Variants in STAT5B observed in about 807,000 individuals in gnomAD.
STAT5B encodes transcription factor STAT5B.
In STAT5B, 21 loss-of-function variants were observed where a neutral mutation model predicts 107.8. That is an observed-to-expected ratio of 0.19 (90% CI 0.14 to 0.28). STAT5B has a LOEUF of 0.28. STAT5B is among the 10% of genes least tolerant of loss of function. STAT5B has a pLI of 1.00. For missense variants in STAT5B, 565 were observed against 1,008.2 expected (o/e 0.56, Z 5.95); for synonymous variants, 325 against 401.7 (o/e 0.81, Z 2.28).
chr17:42,219,683 G>A lies in STAT5B; in HGVS notation c.681+29C>T, dbSNP rs749453488. ...CAGAGACTGACTTCATGGCACCCAC[G>A]CCCAGGAGAGGCCCAGGACCCCACT... is the stretch of plus-strand genomic sequence containing the variant. On this transcript the variant is annotated intron_variant, in intron 6 of 18. Transcript: ENST00000293328. 31 of 1,587,788 alleles carry A rather than the reference G, an allele frequency of 2.0e-5. No individual in the cohort carries two copies. The African/African-American group carries it at 2.2e-4, about 11-fold the overall frequency.
At chr17:42,215,103 G>A (rs2080160436) in intron 12 of STAT5B, among the ~76,000 whole-genome samples, 1 of 152,072 alleles carries the variant, frequency 6.6e-6, no homozygotes, top group Non-Finnish European at 1.5e-5. Flanking sequence ...ATAGCGTTTG[G>A]GTGCATAAAT....
intron 1 of STAT5B, among the ~76,000 whole-genome samples, chr17:42,262,223 C>T (rs2080604680): frequency 6.6e-6 from 1 of 151,904 alleles, no homozygotes; most frequent in Non-Finnish European, 1.5e-5. Flanking sequence ...TACAGTGGAG[C>T]GATCACAGCT....
intron 1 of STAT5B, among the ~76,000 whole-genome samples, chr17:42,233,224 C>T (rs1183248668): frequency 6.6e-6 from 1 of 152,002 alleles, no homozygotes; most frequent in Non-Finnish European, 1.5e-5. Context: ...TGAAAAAGCC[C>T]AGTAAAAGAA....
chr17:42,256,861 CAAAAAAAA>C (rs781345676), intron 1 of STAT5B, among the ~76,000 whole-genome samples: 9 of 44,810 alleles, frequency 2.0e-4, no homozygotes, highest in East Asian at 6.4e-4. Context: ...GACTCTGTCT[CAAAAAAAA>C]AAAAAAAAAA....
chr17:42,227,487 C>T, intron 3 of STAT5B, 42 bp downstream of exon 3: 1 of 1,612,092 alleles, frequency 6.2e-7, no homozygotes. Flanking sequence ...AGAAGACCCC[C>T]AAGGGAAGGT....
chr17:42,258,490 C>T (rs1017524528), intron 1 of STAT5B, among the ~76,000 whole-genome samples: 21 of 152,072 alleles, frequency 1.4e-4, no homozygotes, highest in Admixed American at 1.1e-3. Flanking sequence ...ACCAGCCTGA[C>T]GAACATGGTG....
intron 15 of STAT5B, among the ~76,000 whole-genome samples, 169 bp downstream of exon 15, chr17:42,210,002 T>C (rs1448888130): frequency 1.3e-5 from 2 of 152,238 alleles, no homozygotes; most frequent in South Asian, 2.1e-4. Flanking sequence ...TTTCCCATAA[T>C]AGTATTTTTC....
chr17:42,234,267 A>G (rs1379940709), intron 1 of STAT5B: 2 of 152,188 alleles, frequency 1.3e-5, no homozygotes, highest in Non-Finnish European at 2.9e-5. Flanking sequence ...GGGGAGTGCC[A>G]GTTATCTATT....
At position 42,217,194 on chromosome 17, in the gene STAT5B, C is replaced by G; in HGVS notation, c.1346G>C (p.Ser449Thr). 6.2e-7 allele frequency: 1 copy of G among 1,614,076 alleles called. No individual in the cohort carries two copies. Among genetic ancestry groups the G allele is most frequent in the Non-Finnish European group, 8.5e-7 (1 of 1,179,976 alleles). Residue 449 changes from serine to threonine, a missense_variant, in exon 11 of 19, where the codon AGT becomes ACT. Around this residue, in one of 11 missense-constraint regions of STAT5B, gnomAD observed 127 missense variants for 215.8 expected, o/e 0.59. Coordinates refer to ENST00000293328, the MANE Select transcript of STAT5B (RefSeq NM_012448.4). ...KFTILFESQF[S>T]VGGNELVFQV... is the part of the protein sequence containing the mutation. Reference sequence around the variant, plus strand: ...AAAAACCAGCTCATTTCCACCAACACTGAACTGGGATTCAAACAGGATTGT... The same window carrying G: ...AAAAACCAGCTCATTTCCACCAACAGTGAACTGGGATTCAAACAGGATTGT...
intron 16 of STAT5B, among the ~76,000 whole-genome samples, chr17:42,203,232 C>T (rs1336020463): frequency 6.6e-6 from 1 of 152,126 alleles, no homozygotes; most frequent in Non-Finnish European, 1.5e-5. Flanking sequence ...TAAGCCACCG[C>T]ACTTGGCCAA....
chr17:42,239,108 C>T (rs994636343), intron 1 of STAT5B, among the ~76,000 whole-genome samples: 3 of 151,570 alleles, frequency 2.0e-5, no homozygotes, highest in East Asian at 2.0e-4. Flanking sequence ...ATTAGCTGGG[C>T]GTGGTGCCAT....
At chr17:42,263,761 A>C (rs1377052563) in intron 1 of STAT5B, among the ~76,000 whole-genome samples, 2 of 151,920 alleles carry the variant, frequency 1.3e-5, no homozygotes, top group Non-Finnish European at 2.9e-5. Flanking sequence ...TCCTGGACTC[A>C]AGTGATCCTC....
intron 1 of STAT5B, among the ~76,000 whole-genome samples, chr17:42,243,233 G>A (rs1474649906): frequency 1.3e-5 from 2 of 152,204 alleles, no homozygotes; most frequent in East Asian, 3.9e-4. Context: ...GCACACGCCT[G>A]TAGTTGCAGC....
intron 1 of STAT5B, among the ~76,000 whole-genome samples, chr17:42,254,220 A>G (rs909883697): frequency 7.9e-5 from 12 of 152,132 alleles, no homozygotes; most frequent in Non-Finnish European, 1.6e-4. Context: ...TACAAAATAA[A>G]AATTAAAAAA....
chr17:42,210,056 T>C, intron 15 of STAT5B, 115 bp downstream of exon 15: 1 of 1,479,160 alleles, frequency 6.8e-7, no homozygotes, highest in Non-Finnish European at 9.3e-7. Context: ...TACATTTATG[T>C]TTCCCATAAT....
chr17:42,275,811 C>G (rs2080760113), intron 1 of STAT5B, among the ~76,000 whole-genome samples: 2 of 152,176 alleles, frequency 1.3e-5, no homozygotes, highest in Admixed American at 6.5e-5. Context: ...ATCCCATCCC[C>G]GGAGTCCCGG....
intron 9 of STAT5B, 154 bp downstream of exon 9, chr17:42,217,997 C>T (rs930669125): frequency 2.2e-6 from 3 of 1,353,880 alleles, no homozygotes; most frequent in Non-Finnish European, 3.1e-6. Context: ...TGAGCCACCA[C>T]ACCAGGCCCA....
Position 42,209,495 on chromosome 17 carries a change from G to A in STAT5B, c.1906+676C>T, listed in dbSNP as rs1025549379. On this transcript the variant is annotated intron_variant, in intron 15 of 18. Transcript: ENST00000293328. Reference sequence around the variant, plus strand: ...AATCCCAATACTTTGGGAAGCCAAAGTGGGGGATTGTTTGAGCCCAGGAGT... The same window carrying A: ...AATCCCAATACTTTGGGAAGCCAAAATGGGGGATTGTTTGAGCCCAGGAGT... Among the ~76,000 whole-genome samples the A allele has an allele frequency of 3.9e-5, 6 of 152,210 alleles. No individual in the cohort carries two copies. In the East Asian group the frequency reaches 1.2e-3, roughly 29 times the overall value.
upstream of STAT5B, among the ~76,000 whole-genome samples, chr17:42,279,440 C>T (rs144639158): frequency 1.6e-3 from 240 of 152,316 alleles, 1 homozygote; most frequent in East Asian, 0.035. Flanking sequence ...CCAAGACCGG[C>T]GGTCTAGGAC....
Sources: allele counts gnomAD v4.1 joint callset (sites outside exome capture counted in the v4.1 genomes callset), GRCh38; gene constraint gnomAD v4.1.1; regional missense constraint gnomAD v4.1.1; transcripts MANE v1.5; gene names NCBI Gene and HGNC (gene_info 2026-07-23, HGNC 2026-07-21).